The following NRXN3 variants were observed in gnomAD, a reference collection of about 807,000 sequenced individuals.
The protein encoded by NRXN3 is neurexin III.
Under a neutral mutation model 137.6 loss-of-function variants are expected in NRXN3, and 32 were observed. The observed-to-expected ratio is 0.23, with a 90% confidence interval of 0.18 to 0.31. NRXN3 has a LOEUF of 0.31. NRXN3 is among the 10% of genes least tolerant of loss of function. The pLI, the probability that NRXN3 is intolerant of heterozygous loss-of-function variation, is 1.00. For missense variants in NRXN3, 1,574 were observed against 2,062.5 expected (o/e 0.76, Z 4.59); for synonymous variants, 798 against 784.5 (o/e 1.02, Z -0.29).
Position 78,350,245 on chromosome 14 carries a change from T to A in NRXN3, c.757+52385T>A, listed in dbSNP as rs113574367. ...CGGAGGTTGCAGTGAGCCGAGGTCA[T>A]GCCATTGCACTGCAGCCTGGACAAC... On this transcript the variant is annotated intron_variant, in intron 4 of 20. Transcript: ENST00000335750. Among the ~76,000 whole-genome samples the A allele has an allele frequency of 8.8e-3, 1,328 of 150,920 alleles. 41 individuals are homozygous for A. Among genetic ancestry groups the A allele is most frequent in the East Asian group, 0.085 (436 of 5,114 alleles).
chr14:78,548,165 C>T (rs1413090986), intron 4 of NRXN3, among the ~76,000 whole-genome samples: 4 of 152,152 alleles, frequency 2.6e-5, no homozygotes, highest in African/African-American at 9.6e-5. Context: ...GTAAAACTAT[C>T]TCTTTTTGCT....
intron 10 of NRXN3, among the ~76,000 whole-genome samples, chr14:78,863,214 T>C (rs766620094): frequency 6.6e-6 from 1 of 152,118 alleles, no homozygotes; most frequent in Non-Finnish European, 1.5e-5. Flanking sequence ...ACTGAATTTA[T>C]ATGAACCAAT....
At chr14:78,777,986 C>G (rs1052674954) in intron 8 of NRXN3, among the ~76,000 whole-genome samples, 1 of 152,122 alleles carries the variant, frequency 6.6e-6, no homozygotes, top group African/African-American at 2.4e-5. Context: ...TGATCTCAAA[C>G]CCCTAGCCTC....
intron 17 of NRXN3, among the ~76,000 whole-genome samples, chr14:79,680,607 C>T (rs986350121): frequency 5.9e-5 from 9 of 151,912 alleles, no homozygotes; most frequent in Admixed American, 5.9e-4. Flanking sequence ...AAAGGGTATT[C>T]ATACCCTGCA....
chr14:78,871,408 C>T (rs2099100999), intron 10 of NRXN3, among the ~76,000 whole-genome samples: 1 of 152,026 alleles, frequency 6.6e-6, no homozygotes, highest in African/African-American at 2.4e-5. Context: ...GTCATCTTTT[C>T]TTAAAAAATT....
rs527859821 is a variant in NRXN3 at position 78,562,569 on chromosome 14, C to T, written c.758-82551C>T. Among the ~76,000 whole-genome samples, 6 of 151,938 alleles carry T rather than the reference C, an allele frequency of 3.9e-5. No individual in the cohort carries two copies. In the East Asian group the frequency reaches 1.2e-3, roughly 30 times the overall value. On this transcript the variant is annotated intron_variant, in intron 4 of 20. Coordinates refer to ENST00000335750, the MANE Select transcript of NRXN3 (RefSeq NM_001330195.2). ...GAGAAGCCCAAGTGTGGTGGAGAGG[C>T]CTTGGGGAAAGAGATAACCCATGAG...
chr14:79,447,368 A>G (rs1250017436), intron 15 of NRXN3, among the ~76,000 whole-genome samples: 2 of 152,216 alleles, frequency 1.3e-5, no homozygotes, highest in Non-Finnish European at 2.9e-5. Flanking sequence ...AATAAAATAA[A>G]TGGCTTTGTA....
At chr14:79,472,094 T>A (rs1443766905) in intron 16 of NRXN3, among the ~76,000 whole-genome samples, 1 of 152,168 alleles carries the variant, frequency 6.6e-6, no homozygotes, top group Non-Finnish European at 1.5e-5. Context: ...CATGCAGTAT[T>A]TGGTTTTCTG....
chr14:78,859,651 AAATCTT>A (rs1308515599), intron 10 of NRXN3, among the ~76,000 whole-genome samples: 1 of 152,188 alleles, frequency 6.6e-6, no homozygotes, highest in Non-Finnish European at 1.5e-5. Context: ...CTACCCAAGA[AAATCTT>A]AAGCTTATTT....
intron 15 of NRXN3, among the ~76,000 whole-genome samples, chr14:79,127,784 G>A (rs1180486447): frequency 5.3e-5 from 8 of 152,074 alleles, no homozygotes; most frequent in Non-Finnish European, 8.8e-5. Flanking sequence ...CCATTTTCAC[G>A]ATATTGATTC....
intron 10 of NRXN3, among the ~76,000 whole-genome samples, chr14:78,929,049 G>A (rs1427712366): frequency 6.6e-6 from 1 of 152,150 alleles, no homozygotes; most frequent in East Asian, 1.9e-4. Flanking sequence ...CTGATGCCCA[G>A]TGATGACGAG....
At chr14:79,260,861 A>G (rs1017867741) in intron 15 of NRXN3, among the ~76,000 whole-genome samples, 1 of 152,222 alleles carries the variant, frequency 6.6e-6, no homozygotes, top group Non-Finnish European at 1.5e-5. Flanking sequence ...ACCTGGCCAC[A>G]TAGGAAATGC....
chr14:78,382,845 A>G (rs576204062), intron 4 of NRXN3, among the ~76,000 whole-genome samples: 1 of 152,188 alleles, frequency 6.6e-6, no homozygotes, highest in African/African-American at 2.4e-5. Context: ...GTGAGGCTGG[A>G]TAGAGGGATT....
chr14:79,639,185 TTTAAAGAGATATTGGACAGA>T (rs1261979366), intron 16 of NRXN3, among the ~76,000 whole-genome samples: 2 of 152,124 alleles, frequency 1.3e-5, no homozygotes, highest in African/African-American at 4.8e-5. Context: ...CAAGACAAAA[TTTAAAGAGATATTGGACAGA>T]TTAGCAATTA....
intron 15 of NRXN3, among the ~76,000 whole-genome samples, chr14:79,295,997 G>C (rs1024636408): frequency 6.6e-6 from 1 of 152,168 alleles, no homozygotes; most frequent in African/African-American, 2.4e-5. Context: ...ACATACATCA[G>C]ATTTGGGCCT....
intron 16 of NRXN3, among the ~76,000 whole-genome samples, chr14:79,531,422 A>C (rs771109745): frequency 6.6e-6 from 1 of 152,224 alleles, no homozygotes; most frequent in Non-Finnish European, 1.5e-5. Flanking sequence ...TATACCTGTT[A>C]ATAGTAGAAT....
intron 15 of NRXN3, among the ~76,000 whole-genome samples, chr14:79,023,807 A>C (rs1323656358): frequency 6.6e-6 from 1 of 152,050 alleles, no homozygotes; most frequent in Non-Finnish European, 1.5e-5. Flanking sequence ...GTTACCTCCC[A>C]TCAGGTTCCT....
At chr14:78,836,350 A>G (rs1349330002) in intron 10 of NRXN3, among the ~76,000 whole-genome samples, 1 of 152,196 alleles carries the variant, frequency 6.6e-6, no homozygotes, top group Non-Finnish European at 1.5e-5. Context: ...TTGTTATTCA[A>G]AAGGTTTTCA....
At chr14:79,339,580 T>C (rs2092480962) in intron 15 of NRXN3, among the ~76,000 whole-genome samples, 1 of 152,228 alleles carries the variant, frequency 6.6e-6, no homozygotes, top group Non-Finnish European at 1.5e-5. Context: ...TTGTTGGAAA[T>C]GCAAATTATC....
Sources: gnomAD v4.1 joint callset for allele counts (sites outside exome capture counted in the v4.1 genomes callset) on GRCh38, gnomAD v4.1.1 for gene constraint, MANE v1.5 for transcripts, NCBI Gene and HGNC (gene_info 2026-07-23, HGNC 2026-07-21) for gene names.